Variants in PRELID3A observed in about 807,000 individuals in gnomAD.
PRELID3A encodes the protein PRELI domain containing protein 3A.
In PRELID3A, 27 loss-of-function variants were observed where a neutral mutation model predicts 23.0. The observed-to-expected ratio is 1.17, with a 90% confidence interval of 0.87 to 1.62. The LOEUF (loss-of-function observed/expected upper bound fraction) is 1.62. Among genes scored for constraint, PRELID3A ranks in the 40% most tolerant of loss-of-function variants. The pLI is 0.00. For synonymous variants in PRELID3A, 87 were observed against 86.4 expected, an observed-to-expected ratio of 1.01 and a Z score of -0.04; for missense variants, 231 against 231.4, an observed-to-expected ratio of 1.00 and a Z score of 0.01.
intron 1 of PRELID3A, among the ~76,000 whole-genome samples, chr18:12,408,272 C>T (rs1391281711): frequency 1.3e-5 from 2 of 151,644 alleles, no homozygotes; most frequent in Admixed American, 1.3e-4. Context: ...CACAGAGGCC[C>T]CGCTGGTGGT....
chr18:12,423,837 G>T (rs2030272350), intron 3 of PRELID3A, among the ~76,000 whole-genome samples: 2 of 152,230 alleles, frequency 1.3e-5, no homozygotes, highest in African/African-American at 2.4e-5. Context: ...AAGTGGAGCT[G>T]CTCTGGGTCC....
intron 1 of PRELID3A, among the ~76,000 whole-genome samples, chr18:12,417,209 C>T (rs984261085): frequency 6.6e-5 from 10 of 151,826 alleles, no homozygotes; most frequent in African/African-American, 2.4e-4. Flanking sequence ...AGCCTTGCTT[C>T]GTTGCTCAGA....
intron 1 of PRELID3A, among the ~76,000 whole-genome samples, chr18:12,416,539 G>C (rs936549050): frequency 2.0e-5 from 3 of 152,126 alleles, no homozygotes; most frequent in African/African-American, 7.2e-5. Flanking sequence ...CTGGGCTTGA[G>C]CTCCTAGCAT....
rs1051076833 is a variant in PRELID3A, at chr18:12,431,729, C to T, written c.*613C>T. On this transcript the variant is annotated 3_prime_UTR_variant, in exon 7 of 7. Transcript: ENST00000440960. ...CCTGGAGTGGCTAAGCCTCTCCTGACGAGGCTCCTCATGCGGGGAGAGGGC... is the reference window on the plus strand; with the variant it reads ...CCTGGAGTGGCTAAGCCTCTCCTGATGAGGCTCCTCATGCGGGGAGAGGGC... 6.6e-6 allele frequency: 1 copy of T among 152,346 alleles called. No individual in the cohort carries two copies. Among genetic ancestry groups the T allele is most frequent in the African/African-American group, 2.4e-5 (1 of 41,466 alleles). The allele number at this position is 152,346 out of a possible 1,614,324, so 9.4% of individuals were successfully genotyped here. A position where few individuals can be genotyped will look rare whatever the true frequency, so the allele number is the denominator to read the frequency against.
At chr18:12,429,504 A>T in intron 6 of PRELID3A, 68 bp downstream of exon 6, 1 of 1,048,802 alleles carries the variant, frequency 9.5e-7, no homozygotes, top group Non-Finnish European at 1.4e-6. Context: ...CATGGTGCAC[A>T]TGGTGAGGGG....
At chr18:12,424,861 C>T (rs1056526655) in intron 3 of PRELID3A, among the ~76,000 whole-genome samples, 1 of 152,158 alleles carries the variant, frequency 6.6e-6, no homozygotes, top group Non-Finnish European at 1.5e-5. Flanking sequence ...ATGGCCAGTG[C>T]GGTGGCCCAC....
intron 1 of PRELID3A, among the ~76,000 whole-genome samples, chr18:12,419,500 G>A (rs1178564221): frequency 3.4e-4 from 52 of 151,712 alleles, no homozygotes; most frequent in Admixed American, 3.4e-3. Flanking sequence ...GTGGTGGTGG[G>A]TGCCTGTAAT....
intron 1 of PRELID3A, among the ~76,000 whole-genome samples, chr18:12,417,779 G>A (rs2030006777): frequency 6.6e-6 from 1 of 152,174 alleles, no homozygotes; most frequent in African/African-American, 2.4e-5. Context: ...TCAGAGAGAC[G>A]AAAGGGCTCC....
intron 1 of PRELID3A, among the ~76,000 whole-genome samples, chr18:12,409,917 A>G (rs945336853): frequency 2.6e-5 from 4 of 152,202 alleles, no homozygotes; most frequent in African/African-American, 9.7e-5. Flanking sequence ...TTTGCTAAGT[A>G]TGACCATCAC....
chr18:12,419,505 T>A (rs569184327), intron 1 of PRELID3A, among the ~76,000 whole-genome samples: 1 of 151,924 alleles, frequency 6.6e-6, no homozygotes, highest in East Asian at 1.9e-4. Flanking sequence ...GGTGGGTGCC[T>A]GTAATCCCAG....
chr18:12,425,464 C>CAA (rs1235020532), intron 3 of PRELID3A, among the ~76,000 whole-genome samples: 5,144 of 93,146 alleles, frequency 0.055, 133 homozygotes, highest in African/African-American at 0.069. Flanking sequence ...ACTAAAAATA[C>CAA]AAAAAAAAAA....
intron 2 of PRELID3A, chr18:12,421,218 G>C (rs1261311906): frequency 3.1e-6 from 1 of 321,444 alleles, no homozygotes; most frequent in African/African-American, 2.2e-5. Context: ...CAGCACTATG[G>C]TGGTACCTTC....
At chr18:12,420,002 T>C (rs1412564195) in intron 1 of PRELID3A, 3 of 545,856 alleles carry the variant, frequency 5.5e-6, no homozygotes, top group Non-Finnish European at 8.3e-6. Flanking sequence ...AAGAGGAGGC[T>C]GAGGCAGGAT....
intron 1 of PRELID3A, among the ~76,000 whole-genome samples, chr18:12,414,620 G>T (rs2029888731): frequency 6.6e-6 from 1 of 152,120 alleles, no homozygotes; most frequent in African/African-American, 2.4e-5. Flanking sequence ...TAGCTACTCG[G>T]GAAGCTGAGG....
chr18:12,425,516 C>T (rs1202315297), intron 3 of PRELID3A, among the ~76,000 whole-genome samples: 4 of 151,608 alleles, frequency 2.6e-5, no homozygotes, highest in Non-Finnish European at 5.9e-5. Context: ...CCTGTAGTCC[C>T]AGCTACTGGG....
intron 1 of PRELID3A, among the ~76,000 whole-genome samples, chr18:12,415,307 A>G (rs761520617): frequency 1.3e-5 from 2 of 151,126 alleles, no homozygotes; most frequent in Non-Finnish European, 2.9e-5. Context: ...TCACCCAGGC[A>G]GAAGTGCAGT....
At chr18:12,414,358 T>C (rs2029883725) in intron 1 of PRELID3A, among the ~76,000 whole-genome samples, 2 of 152,200 alleles carry the variant, frequency 1.3e-5, no homozygotes, top group South Asian at 4.1e-4. Flanking sequence ...AGCCCTGCCT[T>C]GATGCTGGGA....
chr18:12,408,984 T>G (rs1909819363), intron 1 of PRELID3A, among the ~76,000 whole-genome samples: 1 of 152,198 alleles, frequency 6.6e-6, no homozygotes, highest in Non-Finnish European at 1.5e-5. Context: ...ACACTGAAAT[T>G]ATTCTTTAAT....
intron 1 of PRELID3A, among the ~76,000 whole-genome samples, chr18:12,408,873 G>C (rs1034898772): frequency 6.6e-6 from 1 of 152,116 alleles, no homozygotes; most frequent in Non-Finnish European, 1.5e-5. Context: ...TGCATGTAAC[G>C]AAATTGCACA....
Sources: gnomAD v4.1 joint callset for allele counts (sites outside exome capture counted in the v4.1 genomes callset) on GRCh38, gnomAD v4.1.1 for gene constraint, MANE v1.5 for transcripts, NCBI Gene and HGNC (gene_info 2026-07-23, HGNC 2026-07-21) for gene names.